Variants in ERBB4 observed in about 807,000 individuals in gnomAD.
ERBB4 encodes erb-b2 receptor tyrosine kinase 4, also known as receptor tyrosine-protein kinase erbB-4.
ERBB4 carries 42 observed loss-of-function variants against 158.0 expected under a neutral mutation model. The ratio of observed to expected loss-of-function variants is 0.27; its 90% CI spans 0.21 to 0.34. The LOEUF (loss-of-function observed/expected upper bound fraction) is 0.34. Among genes scored for constraint, ERBB4 ranks in the 10% least tolerant of loss-of-function variants. The probability of loss-of-function intolerance (pLI) is 1.00; values close to 1 mark genes in which losing one functional copy is unlikely to be tolerated. For missense variants in ERBB4, 1,333 were observed against 1,624.1 expected, an observed-to-expected ratio of 0.82 and a Z score of 3.08; for synonymous variants, 583 against 558.7, an observed-to-expected ratio of 1.04 and a Z score of -0.61.
intron 1 of ERBB4, among the ~76,000 whole-genome samples, chr2:212,347,927 G>A (rs1237824849): frequency 6.6e-6 from 1 of 151,936 alleles, no homozygotes; most frequent in Non-Finnish European, 1.5e-5. Context: ...AGAGCTTAAA[G>A]GCACCTCCAG....
In ERBB4 at chr2:211,507,365, C is replaced by T. The variant is rs1037590118; in HGVS notation, c.2487+54538G>A. ...TTCCTGCCTGACTCATTCTACAAAA[C>T]AAATAAAACCCTGAAACCCATATCA... On this transcript the variant is annotated intron_variant, in intron 20 of 27. Coordinates refer to ENST00000342788, the MANE Select transcript of ERBB4 (RefSeq NM_005235.3). Among the ~76,000 whole-genome samples, 7 of 152,018 alleles carry T rather than the reference C, an allele frequency of 4.6e-5. No individual in the cohort carries two copies. The South Asian group carries it at 6.2e-4, about 14-fold the overall frequency.
intron 3 of ERBB4, among the ~76,000 whole-genome samples, chr2:211,806,961 GT>G (rs1440363680): frequency 1.3e-5 from 2 of 151,746 alleles, no homozygotes; most frequent in Non-Finnish European, 2.9e-5. Flanking sequence ...AAACAATATT[GT>G]TTAAAAGACA....
At chr2:212,526,202 G>T (rs1308723315) in intron 1 of ERBB4, among the ~76,000 whole-genome samples, 1 of 151,984 alleles carries the variant, frequency 6.6e-6, no homozygotes, top group Non-Finnish European at 1.5e-5. Flanking sequence ...CAGTTTGTAG[G>T]AGTGAAATAG....
chr2:211,737,317 C>G (rs1341788092), intron 5 of ERBB4, among the ~76,000 whole-genome samples: 2 of 152,088 alleles, frequency 1.3e-5, no homozygotes, highest in Non-Finnish European at 2.9e-5. Context: ...TTCCTGCCTC[C>G]AGAAAATTAT....
intron 19 of ERBB4, among the ~76,000 whole-genome samples, chr2:211,571,361 A>G (rs974084122): frequency 1.3e-5 from 2 of 152,128 alleles, no homozygotes; most frequent in Non-Finnish European, 2.9e-5. Flanking sequence ...TTGATTGCAA[A>G]GTTTTTGTGG....
chr2:212,132,381 A>T (rs1002368877), intron 1 of ERBB4, among the ~76,000 whole-genome samples: 1 of 152,106 alleles, frequency 6.6e-6, no homozygotes, highest in African/African-American at 2.4e-5. Context: ...CTGGCTAAAC[A>T]TTATTTCTGA....
At chr2:211,968,360 C>T (rs2081359323) in intron 2 of ERBB4, among the ~76,000 whole-genome samples, 1 of 151,956 alleles carries the variant, frequency 6.6e-6, no homozygotes, top group Non-Finnish European at 1.5e-5. Flanking sequence ...ATTGCTTGGC[C>T]AGTTTCCAAA....
intron 3 of ERBB4, among the ~76,000 whole-genome samples, chr2:211,865,055 GAAGTGGTCC>G (rs2078170271): frequency 6.6e-6 from 1 of 151,908 alleles, no homozygotes. Context: ...TAATTTCCTA[GAAGTGGTCC>G]TTCATAAAAG....
chr2:212,117,695 C>CT (rs1028688104), intron 2 of ERBB4, among the ~76,000 whole-genome samples: 4 of 152,202 alleles, frequency 2.6e-5, no homozygotes, highest in East Asian at 3.9e-4. Context: ...CTTAAATCAT[C>CT]TTTTTTGGGA....
intron 3 of ERBB4, among the ~76,000 whole-genome samples, chr2:211,794,865 CTG>C (rs1425668043): frequency 6.6e-6 from 1 of 151,704 alleles, no homozygotes; most frequent in Non-Finnish European, 1.5e-5. Flanking sequence ...TGTATTCTCC[CTG>C]TGTTTTCTTA....
intron 19 of ERBB4, among the ~76,000 whole-genome samples, chr2:211,564,289 G>A (rs1231643852): frequency 6.6e-6 from 1 of 152,020 alleles, no homozygotes; most frequent in Non-Finnish European, 1.5e-5. Flanking sequence ...CCTAAACAGA[G>A]CAAGAAGAAC....
chr2:212,060,769 T>C (rs537251833), intron 2 of ERBB4, among the ~76,000 whole-genome samples: 5 of 148,186 alleles, frequency 3.4e-5, no homozygotes, highest in African/African-American at 9.8e-5. Flanking sequence ...ATGAGAACAT[T>C]TGGACACAGG....
intron 2 of ERBB4, among the ~76,000 whole-genome samples, chr2:212,049,195 G>A (rs1323175216): frequency 6.6e-6 from 1 of 152,106 alleles, no homozygotes; most frequent in Non-Finnish European, 1.5e-5. Flanking sequence ...CTTTCTTAAA[G>A]GCTAACAACT....
chr2:212,006,932 C>T (rs139011516), intron 2 of ERBB4, among the ~76,000 whole-genome samples: 43 of 152,006 alleles, frequency 2.8e-4, no homozygotes, highest in African/African-American at 1.0e-3. Context: ...GATAGGAAAA[C>T]ATTTTGCTAG....
chr2:212,054,199 A>G (rs897401480), intron 2 of ERBB4, among the ~76,000 whole-genome samples: 4 of 152,158 alleles, frequency 2.6e-5, no homozygotes, highest in African/African-American at 7.2e-5. Context: ...CCTATGTAAT[A>G]GGAGAGAAGT....
At chr2:212,260,757 G>T (rs1279546027) in intron 1 of ERBB4, among the ~76,000 whole-genome samples, 2 of 152,042 alleles carry the variant, frequency 1.3e-5, no homozygotes, top group Non-Finnish European at 2.9e-5. Flanking sequence ...AGCTTGCAGT[G>T]AGCCGAGATA....
intron 3 of ERBB4, among the ~76,000 whole-genome samples, chr2:211,923,794 C>T (rs1173952620): frequency 6.6e-6 from 1 of 152,122 alleles, no homozygotes; most frequent in Non-Finnish European, 1.5e-5. Flanking sequence ...ACAATCTCGG[C>T]TCACTGTAAC....
intron 17 of ERBB4, among the ~76,000 whole-genome samples, chr2:211,629,224 A>C (rs1200513814): frequency 6.6e-6 from 1 of 152,178 alleles, no homozygotes; most frequent in Non-Finnish European, 1.5e-5. Context: ...CAATGTGCAA[A>C]AATCACAAGC....
At chr2:211,875,118 CAT>C (rs1455793916) in intron 3 of ERBB4, among the ~76,000 whole-genome samples, 1 of 136,670 alleles carries the variant, frequency 7.3e-6, no homozygotes, top group African/African-American at 2.8e-5. Flanking sequence ...CCAAAGCAGA[CAT>C]ATCTGCATTT....
Sources: gnomAD v4.1 joint callset for allele counts (sites outside exome capture counted in the v4.1 genomes callset) on GRCh38, gnomAD v4.1.1 for gene constraint, MANE v1.5 for transcripts, NCBI Gene and HGNC (gene_info 2026-07-23, HGNC 2026-07-21) for gene names.